PIBF1: variants seen among roughly 807,000 people sequenced by gnomAD.
The protein encoded by PIBF1 is progesterone immunomodulatory binding factor 1.
In PIBF1, 90 loss-of-function variants were observed where a neutral mutation model predicts 112.5. The observed-to-expected ratio is 0.80, with a 90% CI of 0.67 to 0.95. PIBF1 has a LOEUF of 0.95. PIBF1 is among the 40% of genes least tolerant of loss of function. PIBF1 has a pLI of 0.00. For synonymous variants in PIBF1, 301 were observed against 288.6 expected, an observed-to-expected ratio of 1.04 and a Z score of -0.44; for missense variants, 915 against 852.3, an observed-to-expected ratio of 1.07 and a Z score of -0.92.
chr13:72,835,279 T>C lies in PIBF1; in HGVS notation c.1134T>C (p.His378=). Residue 378 remains histidine (H), a synonymous_variant, in exon 9 of 18, where the codon CAT becomes CAC. Coordinates refer to ENST00000326291, the MANE Select transcript of PIBF1 (RefSeq NM_006346.4). ...HYKTEYENKL[H]DELEQIRLKT... is the part of the protein sequence containing the mutation. ...AAACAGAATATGAAAATAAACTACATGATGAACTAGAACAAATCAGATTGA... is the reference window on the plus strand; with the variant it reads ...AAACAGAATATGAAAATAAACTACACGATGAACTAGAACAAATCAGATTGA... 1 of 1,586,984 alleles carries C rather than the reference T, an allele frequency of 6.3e-7. No individual in the cohort carries two copies. The highest frequency in any genetic ancestry group is 8.6e-7 in the Non-Finnish European group (1 of 1,168,128).
chr13:72,825,744 A>C (rs1415074831), intron 6 of PIBF1, among the ~76,000 whole-genome samples: 1 of 152,166 alleles, frequency 6.6e-6, no homozygotes, highest in Admixed American at 6.5e-5. Context: ...CAAATACAAC[A>C]GTGTTAATGA....
intron 10 of PIBF1, among the ~76,000 whole-genome samples, chr13:72,856,541 G>A (rs550882339): frequency 6.6e-6 from 1 of 152,272 alleles, no homozygotes; most frequent in African/African-American, 2.4e-5. Context: ...TAGAGCTAAT[G>A]CTCAGGACTG....
At chr13:72,836,337 C>T (rs1427346029) in intron 9 of PIBF1, among the ~76,000 whole-genome samples, 1 of 151,974 alleles carries the variant, frequency 6.6e-6, no homozygotes, top group Non-Finnish European at 1.5e-5. Context: ...CACTGATTTG[C>T]TTATATGATA....
intron 17 of PIBF1, among the ~76,000 whole-genome samples, chr13:73,003,258 T>TA (rs1362867478): frequency 1.4e-5 from 2 of 146,948 alleles, no homozygotes; most frequent in Non-Finnish European, 3.0e-5. Context: ...AAAAAAAAAT[T>TA]TTTTTTTTTT....
intron 15 of PIBF1, among the ~76,000 whole-genome samples, chr13:72,972,032 A>G (rs1187986221): frequency 4.7e-5 from 7 of 148,180 alleles, no homozygotes; most frequent in Non-Finnish European, 7.4e-5. Context: ...TTATTTATTT[A>G]TTTATTTATT....
At chr13:72,836,172 C>A in intron 9 of PIBF1, 1 of 427,214 alleles carries the variant, frequency 2.3e-6, no homozygotes, top group Non-Finnish European at 4.6e-6. Flanking sequence ...ATTAGGCTCA[C>A]CTAGTTAGTG....
At chr13:72,905,365 G>A (rs749253506) in intron 11 of PIBF1, among the ~76,000 whole-genome samples, 12 of 151,800 alleles carry the variant, frequency 7.9e-5, no homozygotes, top group Admixed American at 1.3e-4. Context: ...CACACCCAGC[G>A]TAAATCCCAT....
intron 16 of PIBF1, among the ~76,000 whole-genome samples, chr13:72,987,698 G>A (rs112164084): frequency 1.4e-5 from 2 of 143,612 alleles, no homozygotes; most frequent in Non-Finnish European, 3.0e-5. Flanking sequence ...TTTTTTTTGA[G>A]AAGGGGTCTT....
At chr13:72,892,944 A>T (rs2040117468) in intron 10 of PIBF1, among the ~76,000 whole-genome samples, 1 of 152,138 alleles carries the variant, frequency 6.6e-6, no homozygotes, top group African/African-American at 2.4e-5. Flanking sequence ...TCCCCAGAAA[A>T]CTATAAGTTC....
chr13:72,904,054 G>A lies in PIBF1; in HGVS notation c.1489-4477G>A, dbSNP rs12865979. Among the ~76,000 whole-genome samples, 317 of 151,582 alleles carry A rather than the reference G, an allele frequency of 2.1e-3. 1 individual carries two copies. Among genetic ancestry groups the A allele is most frequent in the Non-Finnish European group, 3.8e-3 (258 of 67,940 alleles). On this transcript the variant is annotated intron_variant, in intron 11 of 17. Coordinates refer to ENST00000326291, the MANE Select transcript of PIBF1 (RefSeq NM_006346.4). ...GTTGGGAAATGACGGGAAAATGGAA[G>A]TATCCTTTCCCAAAAGATAATTATT... is the stretch of plus-strand genomic sequence containing the variant.
In PIBF1 at chr13:72,833,348, G is replaced by A. The variant is rs958394008; in HGVS notation, c.1098-1895G>A. On this transcript the variant is annotated intron_variant, in intron 8 of 17. Coordinates refer to ENST00000326291, the MANE Select transcript of PIBF1 (RefSeq NM_006346.4). Reference sequence around the variant, plus strand: ...TGTGATCCTTTGGAGGAAAAGAGGCGTTCTGAGTTTTGGAACTTTCAGCCT... The same window carrying A: ...TGTGATCCTTTGGAGGAAAAGAGGCATTCTGAGTTTTGGAACTTTCAGCCT... Among the ~76,000 whole-genome samples, 15 of 152,170 alleles carry A rather than the reference G, an allele frequency of 9.9e-5. No homozygotes were observed. The East Asian group carries it at 1.2e-3, about 12-fold the overall frequency.
intron 10 of PIBF1, among the ~76,000 whole-genome samples, chr13:72,860,730 A>G (rs2038656380): frequency 6.6e-6 from 1 of 152,014 alleles, no homozygotes; most frequent in South Asian, 2.1e-4. Context: ...TTATAAAGAG[A>G]AATGTATGGA....
intron 14 of PIBF1, 104 bp from the exon 15 acceptor site, chr13:72,965,170 T>A (rs1341556504): frequency 2.0e-6 from 2 of 1,015,964 alleles, no homozygotes; most frequent in Non-Finnish European, 2.9e-6. Flanking sequence ...TCAGAATAAT[T>A]CATGTCAAAG....
At chr13:72,879,085 A>T (rs567265399) in intron 10 of PIBF1, among the ~76,000 whole-genome samples, 2 of 152,178 alleles carry the variant, frequency 1.3e-5, no homozygotes, top group African/African-American at 4.8e-5. Context: ...TTTACATACA[A>T]TGTGATTATT....
chr13:72,850,634 C>T (rs190171224), intron 9 of PIBF1, among the ~76,000 whole-genome samples: 50 of 151,962 alleles, frequency 3.3e-4, no homozygotes, highest in Middle Eastern at 3.4e-3. Flanking sequence ...ATTGTGCTGC[C>T]GAAATAACAT....
In PIBF1 at chr13:72,809,132, C is replaced by CTTTTTTTTTTT. The variant is rs35219701; in HGVS notation, c.672+11119_672+11129dup. 1.0e-3 allele frequency among the ~76,000 whole-genome samples: 75 copies of CTTTTTTTTTTT among 74,826 alleles called. 2 individuals carry two copies. The highest frequency in any genetic ancestry group is 4.1e-3 in the African/African-American group (66 of 16,046). The allele number at this position is 74,826 out of a possible 152,430, so 49.1% of individuals were successfully genotyped here. On this transcript the variant is annotated intron_variant, in intron 5 of 17. Coordinates refer to ENST00000326291, the MANE Select transcript of PIBF1 (RefSeq NM_006346.4). The stretch of plus-strand genomic sequence containing the variant: ...CACCACTTGGGGGCAGTATATGTCC[C>CTTTTTTTTTTT]TTTTTTTTTTTTTTTTTTTTTTTAA...
intron 5 of PIBF1, among the ~76,000 whole-genome samples, chr13:72,815,205 T>C (rs1446140573): frequency 2.0e-5 from 3 of 152,236 alleles, no homozygotes; most frequent in Non-Finnish European, 2.9e-5. Flanking sequence ...GTTAAATGAA[T>C]TTTACCATTG....
chr13:72,964,543 A>G (rs773104099), intron 14 of PIBF1, among the ~76,000 whole-genome samples: 11 of 152,238 alleles, frequency 7.2e-5, no homozygotes, highest in Non-Finnish European at 1.3e-4. Context: ...TTGGATATAT[A>G]AATTATGTAT....
chr13:72,835,192 C>G (rs767195452), intron 8 of PIBF1, 51 bp from the exon 9 acceptor site: 1 of 1,415,066 alleles, frequency 7.1e-7, no homozygotes, highest in Admixed American at 2.6e-5. Flanking sequence ...AGTGCAAAAG[C>G]CTATTTGTTT....
Sources: gnomAD v4.1 joint callset for allele counts (sites outside exome capture counted in the v4.1 genomes callset) on GRCh38, gnomAD v4.1.1 for gene constraint, MANE v1.5 for transcripts, NCBI Gene and HGNC (gene_info 2026-07-23, HGNC 2026-07-21) for gene names.